GALNTL6: variants seen among roughly 807,000 people sequenced by gnomAD.
GALNTL6 encodes the protein polypeptide N-acetylgalactosaminyltransferase-like 6.
In GALNTL6, 46 loss-of-function variants were observed where a neutral mutation model predicts 73.7. The observed-to-expected ratio is 0.62, with a 90% CI of 0.49 to 0.80. The LOEUF is 0.80. Ranked by LOEUF, GALNTL6 falls within the 30% of genes least tolerant of loss-of-function variation. The pLI, the probability that GALNTL6 is intolerant of heterozygous loss-of-function variation, is 0.00. For missense variants in GALNTL6, 604 were observed against 755.0 expected (o/e 0.80, Z 2.34); for synonymous variants, 259 against 263.7 (o/e 0.98, Z 0.17).
chr4:172,180,927 A>G (rs1027903125), intron 2 of GALNTL6, among the ~76,000 whole-genome samples: 2 of 152,084 alleles, frequency 1.3e-5, no homozygotes, highest in African/African-American at 4.8e-5. Flanking sequence ...GTCTGGCTAT[A>G]CGGGCTGTTC....
At chr4:172,862,808 C>T (rs1027614908) in intron 7 of GALNTL6, among the ~76,000 whole-genome samples, 2 of 152,170 alleles carry the variant, frequency 1.3e-5, no homozygotes, top group Admixed American at 6.5e-5. Flanking sequence ...AACAAGACAA[C>T]GTGGAAAATG....
intron 5 of GALNTL6, among the ~76,000 whole-genome samples, chr4:172,671,707 T>C (rs995145027): frequency 6.6e-6 from 1 of 152,204 alleles, no homozygotes; most frequent in African/African-American, 2.4e-5. Context: ...GTAGGAGTGA[T>C]GAGAGTGGGC....
chr4:172,003,342 G>A (rs551299514), intron 2 of GALNTL6, among the ~76,000 whole-genome samples: 2 of 152,096 alleles, frequency 1.3e-5, no homozygotes, highest in Admixed American at 1.3e-4. Flanking sequence ...GGGAGAAAAA[G>A]GAACATCATA....
chr4:172,412,974 A>G (rs181490462), intron 5 of GALNTL6, among the ~76,000 whole-genome samples: 89 of 152,334 alleles, frequency 5.8e-4, no homozygotes, highest in African/African-American at 1.8e-3. Context: ...GCAGGAAGAC[A>G]GAGAAGGAAG....
chr4:172,500,156 C>CA (rs752798342), intron 5 of GALNTL6, among the ~76,000 whole-genome samples: 16 of 152,186 alleles, frequency 1.1e-4, no homozygotes, highest in Non-Finnish European at 1.9e-4. Context: ...CATGGTGGCT[C>CA]ATGCCTATAA....
intron 10 of GALNTL6, among the ~76,000 whole-genome samples, chr4:172,957,146 TC>T (rs1004481964): frequency 6.9e-4 from 105 of 152,146 alleles, no homozygotes; most frequent in African/African-American, 2.5e-3. Context: ...CGGGAGCAAA[TC>T]CCCGAGCTTG....
chr4:173,033,855 T>A (rs1429899962), intron 12 of GALNTL6, among the ~76,000 whole-genome samples: 1 of 152,158 alleles, frequency 6.6e-6, no homozygotes, highest in Non-Finnish European at 1.5e-5. Context: ...TCTTTCTACT[T>A]ACATGGAAAT....
chr4:172,454,398 T>C (rs972658239), intron 5 of GALNTL6, among the ~76,000 whole-genome samples: 4 of 152,246 alleles, frequency 2.6e-5, no homozygotes, highest in Non-Finnish European at 5.9e-5. Context: ...CTAGGACCAT[T>C]ATGTCTCTGT....
intron 2 of GALNTL6, among the ~76,000 whole-genome samples, chr4:172,122,642 T>A (rs1259835527): frequency 6.6e-6 from 1 of 152,202 alleles, no homozygotes. Context: ...TGCTCACTAG[T>A]GAGGAAAAGC....
At chr4:172,040,222 G>A (rs920987523) in intron 2 of GALNTL6, among the ~76,000 whole-genome samples, 1 of 147,528 alleles carries the variant, frequency 6.8e-6, no homozygotes, top group Non-Finnish European at 1.5e-5. Flanking sequence ...AAGACATTTT[G>A]TGTATCAATA....
chr4:172,071,108 T>C (rs1731522373), intron 2 of GALNTL6, among the ~76,000 whole-genome samples: 1 of 108,582 alleles, frequency 9.2e-6, no homozygotes, highest in African/African-American at 3.5e-5. Flanking sequence ...AGGTGAAAAT[T>C]GTACTATAGT....
At chr4:172,370,473 A>G (rs1742756511) in intron 5 of GALNTL6, among the ~76,000 whole-genome samples, 1 of 151,522 alleles carries the variant, frequency 6.6e-6, no homozygotes, top group Non-Finnish European at 1.5e-5. Context: ...AAAATACCAA[A>G]AAATTAGCCA....
At chr4:172,735,649 A>G (rs1414057029) in intron 5 of GALNTL6, among the ~76,000 whole-genome samples, 1 of 152,076 alleles carries the variant, frequency 6.6e-6, no homozygotes, top group Non-Finnish European at 1.5e-5. Flanking sequence ...GGGTGGAATG[A>G]TATGGTTTGG....
chr4:171,884,001 A>G (rs1736539075), intron 2 of GALNTL6, among the ~76,000 whole-genome samples: 1 of 152,222 alleles, frequency 6.6e-6, no homozygotes, highest in Non-Finnish European at 1.5e-5. Context: ...AAAAATGTGT[A>G]AACATTTATA....
chr4:172,310,651 A>G (rs1248067280), intron 3 of GALNTL6, among the ~76,000 whole-genome samples: 3 of 151,846 alleles, frequency 2.0e-5, no homozygotes, highest in Non-Finnish European at 4.4e-5. Context: ...TTCTCACACC[A>G]AAACATATTC....
At chr4:171,957,368 G>C (rs1739081385) in intron 2 of GALNTL6, among the ~76,000 whole-genome samples, 1 of 152,144 alleles carries the variant, frequency 6.6e-6, no homozygotes, top group Non-Finnish European at 1.5e-5. Context: ...TAGTTTTATA[G>C]TCCACACTGG....
At chr4:172,503,526 GTA>G (rs3083398) in intron 5 of GALNTL6, among the ~76,000 whole-genome samples, 8 of 85,954 alleles carry the variant, frequency 9.3e-5, no homozygotes, top group African/African-American at 2.1e-4. Context: ...ACATAGAGTA[GTA>G]TATATATATA....
intron 10 of GALNTL6, among the ~76,000 whole-genome samples, chr4:172,993,964 C>T (rs1200923013): frequency 6.6e-6 from 1 of 152,142 alleles, no homozygotes; most frequent in African/African-American, 2.4e-5. Flanking sequence ...TTGACACCCA[C>T]CCTTCATATC....
intron 5 of GALNTL6, among the ~76,000 whole-genome samples, chr4:172,411,408 T>C (rs1744431107): frequency 6.6e-6 from 1 of 152,144 alleles, no homozygotes; most frequent in African/African-American, 2.4e-5. Context: ...TACATTAGCA[T>C]GCAGTTGGAA....
Sources: allele counts gnomAD v4.1 joint callset (sites outside exome capture counted in the v4.1 genomes callset), GRCh38; gene constraint gnomAD v4.1.1; transcripts MANE v1.5; gene names NCBI Gene and HGNC (gene_info 2026-07-23, HGNC 2026-07-21).